Variants in PRPSAP1 observed in about 807,000 individuals in gnomAD.
PRPSAP1 encodes phosphoribosyl pyrophosphate synthetase associated protein 1.
A neutral mutation model predicts 39.4 loss-of-function variants in PRPSAP1; 31 were observed. That is an observed-to-expected ratio of 0.79 (90% CI 0.59 to 1.06). PRPSAP1 has a LOEUF of 1.06. Among genes scored for constraint, PRPSAP1 ranks in the 50% least tolerant of loss-of-function variants. The pLI is 0.00. For missense variants in PRPSAP1, 430 were observed against 511.6 expected (o/e 0.84, Z 1.54); for synonymous variants, 212 against 192.6 (o/e 1.10, Z -0.83).
At chr17:76,338,494 G>A (rs569771748) in intron 3 of PRPSAP1, among the ~76,000 whole-genome samples, 2 of 152,210 alleles carry the variant, frequency 1.3e-5, no homozygotes, top group East Asian at 1.9e-4. Flanking sequence ...CCTAAGGTCA[G>A]GAGTTCGAGA....
chr17:76,330,622 G>GT lies in PRPSAP1; in HGVS notation c.507dup (p.Gln170ThrfsTer12), dbSNP rs1451134254. On this transcript the variant is annotated frameshift_variant, in exon 5 of 10. Coordinates refer to ENST00000446526, the MANE Select transcript of PRPSAP1 (RefSeq NM_002766.3). LOFTEE classifies it high-confidence loss of function. ...TCCACAGGAAAGCTGAAAAAGCCTT[G>GT]TATTTCCTTTTGATGAAGATCCATA... is the stretch of plus-strand genomic sequence containing the variant. 1.2e-6 allele frequency: 2 copies of GT among 1,613,070 alleles called. No homozygotes were observed.
intron 7 of PRPSAP1, among the ~76,000 whole-genome samples, chr17:76,319,635 A>T (rs969315971): frequency 1.3e-5 from 2 of 151,800 alleles, no homozygotes; most frequent in African/African-American, 4.8e-5. Flanking sequence ...TGCTCGGCTA[A>T]TTTTTGTAAT....
In PRPSAP1 at chr17:76,348,593, A is replaced by C. The variant is rs747625629; in HGVS notation, c.171-12T>G. 1 of 1,523,536 alleles carries C rather than the reference A, an allele frequency of 6.6e-7. No individual in the cohort carries two copies. The highest frequency in any genetic ancestry group is 1.4e-5 in the South Asian group (1 of 73,312). 94.4% of individuals were successfully genotyped at this position (1,523,536 alleles called of 1,614,324 possible). On this transcript the variant is annotated splice_polypyrimidine_tract_variant and intron_variant, in intron 1 of 9. Transcript: ENST00000446526. ...CAGCACCAAGGCGCCTATAGATCAA[A>C]AAGAACAAAAAAGGGAAATTAAGAT...
chr17:76,343,979 C>A (rs2071468065), intron 3 of PRPSAP1, among the ~76,000 whole-genome samples: 1 of 152,050 alleles, frequency 6.6e-6, no homozygotes, highest in Non-Finnish European at 1.5e-5. Flanking sequence ...GTGAGACAGT[C>A]TCACTCTGTC....
rs780467217 is a variant in PRPSAP1, at chr17:76,312,872, C to T, written c.997G>A (p.Glu333Lys). ...PRLIEESSVD[E>K]VVVTNTVPHE... ...TCAAGATTTAGAAGCAGCCTGACCT[C>T]GTCTACGGAGGACTCCTCAATCAGG... Residue 333 changes from glutamate (E) to lysine (K), a missense_variant and splice_region_variant, in exon 9 of 10, where the codon GAG becomes AAG. By Grantham distance (56) the Glu-to-Lys change is moderately conservative (BLOSUM62 1). Around this residue, in one of 2 missense-constraint regions of PRPSAP1, gnomAD observed 278 missense variants for 376.3 expected, o/e 0.74. Coordinates refer to ENST00000446526, the MANE Select transcript of PRPSAP1 (RefSeq NM_002766.3). 4.3e-6 allele frequency: 7 copies of T among 1,609,280 alleles called. No homozygotes were observed. Among genetic ancestry groups the T allele is most frequent in the Non-Finnish European group, 4.2e-6 (5 of 1,178,644 alleles).
At chr17:76,313,644 TTAATG>T (rs2071091723) in intron 8 of PRPSAP1, 172 bp downstream of exon 8, 2 of 625,416 alleles carry the variant, frequency 3.2e-6, no homozygotes, top group South Asian at 4.0e-5. Context: ...AGGTTATACT[TTAATG>T]TATGTTCACC....
chr17:76,336,168 C>T (rs1322742613), intron 3 of PRPSAP1, among the ~76,000 whole-genome samples: 3 of 152,090 alleles, frequency 2.0e-5, no homozygotes, highest in Non-Finnish European at 4.4e-5. Flanking sequence ...ATTTCTGGGC[C>T]GGACGCGGTG....
chr17:76,345,964 T>C, intron 2 of PRPSAP1: 1 of 467,930 alleles, frequency 2.1e-6, no homozygotes, highest in Non-Finnish European at 4.2e-6. Flanking sequence ...AGCCCAGGCC[T>C]AAAAAGGCCA....
At chr17:76,342,431 A>T (rs1349818552) in intron 3 of PRPSAP1, among the ~76,000 whole-genome samples, 2 of 152,226 alleles carry the variant, frequency 1.3e-5, no homozygotes, top group African/African-American at 4.8e-5. Flanking sequence ...TTCAAAGTCA[A>T]GGCCGGGTGT....
rs143142901 is a variant in PRPSAP1 at position 76,349,536 on chromosome 17, G to A, written c.171-955C>T. On this transcript the variant is annotated intron_variant, in intron 1 of 9. Transcript: ENST00000446526. ...AGCACTTTGGGAAGCTGAGGTGGGCGGATCACCTGAGGTCAGGAGTTCGAG... is the reference window on the plus strand; with the variant it reads ...AGCACTTTGGGAAGCTGAGGTGGGCAGATCACCTGAGGTCAGGAGTTCGAG... Among the ~76,000 whole-genome samples, 703 of 151,948 alleles carry A rather than the reference G, an allele frequency of 4.6e-3. 6 individuals are homozygous for A. The highest frequency in any genetic ancestry group is 0.016 in the African/African-American group (667 of 41,454).
At chr17:76,334,829 C>CAGAT (rs1567805183) in intron 3 of PRPSAP1, among the ~76,000 whole-genome samples, 1 of 152,156 alleles carries the variant, frequency 6.6e-6, no homozygotes, top group African/African-American at 2.4e-5. Context: ...ATCAAAAGGT[C>CAGAT]AGATAATCTT....
In PRPSAP1 at chr17:76,345,780, G is replaced by A. The variant is rs186370868; in HGVS notation, c.224-1043C>T. ...AATGACCCCCGACTGAGCGCAGTCCGTGCACCGCCACTGCATCCCGCTCCC... is the reference window on the plus strand; with the variant it reads ...AATGACCCCCGACTGAGCGCAGTCCATGCACCGCCACTGCATCCCGCTCCC... On this transcript the variant is annotated intron_variant, in intron 2 of 9. Coordinates refer to ENST00000446526, the MANE Select transcript of PRPSAP1 (RefSeq NM_002766.3). The A allele has an allele frequency of 1.0e-4, 32 of 306,954 alleles. 1 individual carries two copies. Among genetic ancestry groups the A allele is most frequent in the Non-Finnish European group, 1.3e-4 (21 of 156,684 alleles). The allele number at this position is 306,954 out of a possible 1,614,324, so 19.0% of individuals were successfully genotyped here. A position where few individuals can be genotyped will look rare whatever the true frequency, so the allele number is the denominator to read the frequency against.
At chr17:76,341,988 A>T (rs1366883667) in intron 3 of PRPSAP1, among the ~76,000 whole-genome samples, 1 of 152,156 alleles carries the variant, frequency 6.6e-6, no homozygotes, top group African/African-American at 2.4e-5. Context: ...AAAAGACTCC[A>T]GTCACCAGGA....
chr17:76,315,109 A>G (rs2071109059), intron 7 of PRPSAP1, among the ~76,000 whole-genome samples: 2 of 152,200 alleles, frequency 1.3e-5, no homozygotes, highest in Admixed American at 6.5e-5. Flanking sequence ...TTCCTGATTT[A>G]ATTGGTGCTT....
intron 3 of PRPSAP1, among the ~76,000 whole-genome samples, chr17:76,333,605 A>G (rs1250994482): frequency 6.6e-6 from 1 of 151,904 alleles, no homozygotes; most frequent in Admixed American, 6.6e-5. Flanking sequence ...AGATCATGCC[A>G]CTGCACTCCA....
intron 2 of PRPSAP1, among the ~76,000 whole-genome samples, chr17:76,346,500 A>AC (rs768032869): frequency 1.8e-4 from 27 of 151,578 alleles, no homozygotes; most frequent in African/African-American, 6.3e-4. Flanking sequence ...TTGGCACCTG[A>AC]CCCCCCCATA....
At chr17:76,333,151 C>G (rs2071342977) in intron 3 of PRPSAP1, among the ~76,000 whole-genome samples, 1 of 152,046 alleles carries the variant, frequency 6.6e-6, no homozygotes, top group Admixed American at 6.5e-5. Context: ...CACTCTGTCG[C>G]CCAGGCTGGA....
intron 7 of PRPSAP1, chr17:76,319,391 A>G (rs2071161637): frequency 2.6e-5 from 4 of 152,126 alleles, no homozygotes; most frequent in Admixed American, 2.6e-4. Context: ...GTCTGATGCT[A>G]ATGGGTTATC....
At chr17:76,332,163 C>T in intron 4 of PRPSAP1, 100 bp downstream of exon 4, 1 of 1,408,786 alleles carries the variant, frequency 7.1e-7, no homozygotes, top group South Asian at 1.3e-5. Flanking sequence ...GAAACAAACA[C>T]TCAGATCCCA....
Sources: allele counts gnomAD v4.1 joint callset (sites outside exome capture counted in the v4.1 genomes callset), GRCh38; gene constraint gnomAD v4.1.1; regional missense constraint gnomAD v4.1.1; transcripts MANE v1.5; gene names NCBI Gene and HGNC (gene_info 2026-07-23, HGNC 2026-07-21).